CACNG4: variants seen among roughly 807,000 people sequenced by gnomAD.
CACNG4 encodes voltage-dependent calcium channel gamma-4 subunit.
Under a neutral mutation model 22.9 loss-of-function variants are expected in CACNG4, and 8 were observed. The observed-to-expected ratio is 0.35, with a 90% CI of 0.21 to 0.63. The LOEUF (loss-of-function observed/expected upper bound fraction) is 0.63. Among genes scored for constraint, CACNG4 ranks in the 30% least tolerant of loss-of-function variants. The pLI, the probability that CACNG4 is intolerant of heterozygous loss-of-function variation, is 0.72. For missense variants in CACNG4, 357 were observed against 455.4 expected (o/e 0.78, Z 1.97); for synonymous variants, 188 against 191.9 (o/e 0.98, Z 0.17).
chr17:66,965,932 G>A (rs1372782156), intron 1 of CACNG4, among the ~76,000 whole-genome samples: 2 of 152,172 alleles, frequency 1.3e-5, no homozygotes, highest in African/African-American at 2.4e-5. Flanking sequence ...GGAGGCTGCG[G>A]AGACCTCAGT....
At chr17:67,008,861 A>G (rs1400215092) in intron 1 of CACNG4, among the ~76,000 whole-genome samples, 4 of 152,148 alleles carry the variant, frequency 2.6e-5, no homozygotes, top group Non-Finnish European at 5.9e-5. Flanking sequence ...AGGCAGGAGA[A>G]TCACTTGAAC....
intron 2 of CACNG4, among the ~76,000 whole-genome samples, chr17:67,022,072 TG>T (rs1470818109): frequency 1.5e-5 from 2 of 135,772 alleles, no homozygotes; most frequent in East Asian, 4.1e-4. Context: ...TTAGAGCAAC[TG>T]GGCTTTTTTT....
At chr17:66,973,450 C>T (rs2035216979) in intron 1 of CACNG4, among the ~76,000 whole-genome samples, 1 of 152,244 alleles carries the variant, frequency 6.6e-6, no homozygotes, top group Non-Finnish European at 1.5e-5. Context: ...AAGCTCAAGA[C>T]AGGTGAGGCA....
chr17:66,978,038 G>A (rs1330695888), intron 1 of CACNG4, among the ~76,000 whole-genome samples: 2 of 152,136 alleles, frequency 1.3e-5, no homozygotes, highest in Admixed American at 6.5e-5. Flanking sequence ...AGGGCTCCCC[G>A]CACATCTGTC....
At position 66,964,790 on chromosome 17, in the gene CACNG4, C is replaced by A. The variant is rs1192064640; in HGVS notation, c.-122C>A. On this transcript the variant is annotated 5_prime_UTR_variant, in exon 1 of 4. Transcript: ENST00000262138. ...GGGCGCGGGGTCGGAGCGCGCAGCG[C>A]GGCGCCGCCCCCCGGCCCTCGGCCC... The A allele has an allele frequency of 2.4e-4, 67 of 278,904 alleles. No individual in the cohort carries two copies. Among genetic ancestry groups the A allele is most frequent in the Admixed American group, 6.8e-4 (10 of 14,608 alleles). The allele number at this position is 278,904 out of a possible 1,614,324, so 17.3% of individuals were successfully genotyped here.
At chr17:67,023,538 GTGC>G (rs2035544821) in intron 2 of CACNG4, among the ~76,000 whole-genome samples, 1 of 148,512 alleles carries the variant, frequency 6.7e-6, no homozygotes, top group Non-Finnish European at 1.5e-5. Flanking sequence ...GCCTCCCAAA[GTGC>G]TGGGATTACA....
At chr17:66,993,471 C>T (rs1258352169) in intron 1 of CACNG4, among the ~76,000 whole-genome samples, 1 of 152,226 alleles carries the variant, frequency 6.6e-6, no homozygotes, top group Non-Finnish European at 1.5e-5. Flanking sequence ...CTGCTTCACC[C>T]TCTAGCTGGG....
intron 1 of CACNG4, among the ~76,000 whole-genome samples, chr17:66,974,465 A>G (rs1037459496): frequency 1.3e-5 from 2 of 152,136 alleles, no homozygotes; most frequent in African/African-American, 4.8e-5. Flanking sequence ...TCAAAACCCC[A>G]GTTTCCAGGC....
At chr17:66,988,428 C>T (rs1005641009) in intron 1 of CACNG4, among the ~76,000 whole-genome samples, 1 of 152,194 alleles carries the variant, frequency 6.6e-6, no homozygotes, top group Admixed American at 6.5e-5. Context: ...AGTGAGGAAG[C>T]AGAGTTTCTG....
chr17:67,000,952 C>G (rs982653461), intron 1 of CACNG4, among the ~76,000 whole-genome samples: 11 of 152,044 alleles, frequency 7.2e-5, no homozygotes, highest in Non-Finnish European at 1.6e-4. Context: ...AGCTTCACAC[C>G]CTGATATGGT....
intron 1 of CACNG4, among the ~76,000 whole-genome samples, 187 bp from the exon 2 acceptor site, chr17:67,018,002 G>A (rs557144238): frequency 4.6e-5 from 7 of 151,978 alleles, no homozygotes; most frequent in African/African-American, 1.2e-4. Context: ...TATCTCTCCC[G>A]GTGTAGCCAT....
intron 1 of CACNG4, among the ~76,000 whole-genome samples, chr17:66,994,318 C>A (rs2035359971): frequency 7.0e-6 from 1 of 142,808 alleles, no homozygotes; most frequent in Admixed American, 6.9e-5. Flanking sequence ...CAGAGCGAGA[C>A]CCTATTTCCA....
In CACNG4 at chr17:67,032,710, C is replaced by A. The variant is rs1332123337; in HGVS notation, c.*1706C>A. 6.5e-6 allele frequency: 1 copy of A among 153,168 alleles called. No homozygotes were observed. The highest frequency in any genetic ancestry group is 1.5e-5 in the Non-Finnish European group (1 of 68,754). The allele number at this position is 153,168 out of a possible 1,614,324, so 9.5% of individuals were successfully genotyped here. ...CCTGTGTGCTGTGCTCCAGAGCCTTCGCTCCCATCAGGGTTGGCATCATCT... is the reference window on the plus strand; with the variant it reads ...CCTGTGTGCTGTGCTCCAGAGCCTTAGCTCCCATCAGGGTTGGCATCATCT... On this transcript the variant is annotated 3_prime_UTR_variant, in exon 4 of 4. Transcript: ENST00000262138.
intron 1 of CACNG4, among the ~76,000 whole-genome samples, chr17:67,015,985 C>A (rs370599522): frequency 1.3e-5 from 2 of 152,132 alleles, no homozygotes; most frequent in African/African-American, 2.4e-5. Flanking sequence ...GTCCCCACCC[C>A]ACCACCCTGA....
intron 1 of CACNG4, among the ~76,000 whole-genome samples, chr17:66,978,432 G>A (rs2035251428): frequency 6.6e-6 from 1 of 152,146 alleles, no homozygotes; most frequent in African/African-American, 2.4e-5. Flanking sequence ...AGGAAGGGGG[G>A]CTTCGGTTCT....
chr17:66,988,294 G>A (rs1235818456), intron 1 of CACNG4, among the ~76,000 whole-genome samples: 1 of 152,102 alleles, frequency 6.6e-6, no homozygotes, highest in Middle Eastern at 3.2e-3. Flanking sequence ...CTGCTCCAGG[G>A]TGTCCTGTGA....
intron 1 of CACNG4, among the ~76,000 whole-genome samples, chr17:67,003,597 G>A (rs2035420888): frequency 6.6e-6 from 1 of 152,172 alleles, no homozygotes; most frequent in South Asian, 2.1e-4. Context: ...TTGGGGCAGG[G>A]TAGGGAGTCA....
At chr17:67,023,738 A>AT (rs532180890) in intron 2 of CACNG4, among the ~76,000 whole-genome samples, 3 of 151,146 alleles carry the variant, frequency 2.0e-5, no homozygotes, top group Middle Eastern at 3.2e-3. Flanking sequence ...TGCCCGGCTA[A>AT]TTTTTTTTGT....
Position 66,979,091 on chromosome 17 carries a change from T to A in CACNG4, c.220+13960T>A, listed in dbSNP as rs1435589873. Among the ~76,000 whole-genome samples, 3 of 152,172 alleles carry A rather than the reference T, an allele frequency of 2.0e-5. No individual in the cohort carries two copies. The East Asian group carries it at 5.8e-4, about 30-fold the overall frequency. Reference sequence around the variant, plus strand: ...CCAGTCTTCTTTGTGCTGCTGCCATTCGCACAGTCCCAGTCACCACACCCA... The same window carrying A: ...CCAGTCTTCTTTGTGCTGCTGCCATACGCACAGTCCCAGTCACCACACCCA... On this transcript the variant is annotated intron_variant, in intron 1 of 3. Coordinates refer to ENST00000262138, the MANE Select transcript of CACNG4 (RefSeq NM_014405.4).
Sources: allele counts gnomAD v4.1 joint callset (sites outside exome capture counted in the v4.1 genomes callset), GRCh38; gene constraint gnomAD v4.1.1; transcripts MANE v1.5; gene names NCBI Gene and HGNC (gene_info 2026-07-23, HGNC 2026-07-21).